The following USP34 variants were observed in gnomAD, a reference collection of about 807,000 sequenced individuals.
The protein encoded by USP34 is ubiquitin specific peptidase 34, also known as ubiquitin carboxyl-terminal hydrolase 34.
USP34 carries 70 observed loss-of-function variants against 460.3 expected under a neutral mutation model. The ratio of observed to expected loss-of-function variants is 0.15; its 90% CI spans 0.13 to 0.19. The LOEUF is 0.19. USP34 is among the 10% of genes least tolerant of loss of function. USP34 has a pLI of 1.00. For missense variants in USP34, 3,985 were observed against 4,236.2 expected (o/e 0.94, Z 1.65); for synonymous variants, 1,647 against 1,405.3 (o/e 1.17, Z -3.85).
chr2:61,421,505 C>T (rs1185598953), intron 1 of USP34, among the ~76,000 whole-genome samples: 2 of 152,138 alleles, frequency 1.3e-5, no homozygotes, highest in Admixed American at 1.3e-4. Flanking sequence ...GGCTGGTCCA[C>T]ACAGCTTTAC....
intron 72 of USP34, among the ~76,000 whole-genome samples, chr2:61,205,679 C>T (rs1558465379): frequency 6.6e-6 from 1 of 152,174 alleles, no homozygotes. Flanking sequence ...GAAATAAGTA[C>T]TCTTATCCTT....
At chr2:61,202,926 G>C (rs569075173) in intron 75 of USP34, among the ~76,000 whole-genome samples, 2 of 151,966 alleles carry the variant, frequency 1.3e-5, no homozygotes, top group Admixed American at 6.6e-5. Context: ...CTCCTTTATA[G>C]GCCAGCTGAA....
At chr2:61,321,034 G>C (rs888455808) in intron 21 of USP34, among the ~76,000 whole-genome samples, 6 of 151,694 alleles carry the variant, frequency 4.0e-5, no homozygotes, top group Admixed American at 6.6e-5. Flanking sequence ...AAAGTAGCTG[G>C]GCAGGGTGGC....
At chr2:61,206,918 A>G (rs763469425) in intron 70 of USP34, 32 bp from the exon 71 acceptor site, 8 of 1,604,614 alleles carry the variant, frequency 5.0e-6, no homozygotes, top group African/African-American at 1.3e-5. Flanking sequence ...TGAAAACTTA[A>G]TTTCATTTTT....
At chr2:61,216,816 G>A (rs1256521059) in intron 67 of USP34, among the ~76,000 whole-genome samples, 3 of 151,640 alleles carry the variant, frequency 2.0e-5, no homozygotes, top group Non-Finnish European at 4.4e-5. Context: ...TACTCAGGAG[G>A]CTGAGGCACA....
At chr2:61,402,937 A>AC (rs752829804) in intron 3 of USP34, among the ~76,000 whole-genome samples, 11 of 152,180 alleles carry the variant, frequency 7.2e-5, no homozygotes, top group Non-Finnish European at 1.3e-4. Flanking sequence ...GTTGACCCTT[A>AC]CCGCATTTAA....
At chr2:61,316,651 A>C (rs1264951470) in intron 23 of USP34, among the ~76,000 whole-genome samples, 1 of 151,872 alleles carries the variant, frequency 6.6e-6, no homozygotes, top group Non-Finnish European at 1.5e-5. Flanking sequence ...TCGGGAGGCC[A>C]AGGCGGGTGG....
At chr2:61,441,802 C>CAAAA (rs70963429) in intron 1 of USP34, among the ~76,000 whole-genome samples, 21 of 97,312 alleles carry the variant, frequency 2.2e-4, no homozygotes, top group Admixed American at 4.5e-4. Context: ...GACTGCATTA[C>CAAAA]AAAAAAAAAA....
At chr2:61,355,138 T>C (rs548977231) in intron 10 of USP34, among the ~76,000 whole-genome samples, 65 of 152,322 alleles carry the variant, frequency 4.3e-4, no homozygotes, top group African/African-American at 1.5e-3. Context: ...TGAACCCTTT[T>C]CATGTCTTCA....
At chr2:61,463,691 AG>A (rs1695675417) in intron 1 of USP34, among the ~76,000 whole-genome samples, 1 of 151,994 alleles carries the variant, frequency 6.6e-6, no homozygotes, top group Non-Finnish European at 1.5e-5. Context: ...AAAATTAGCC[AG>A]GCATGGTGGT....
chr2:61,319,135 A>T, intron 22 of USP34, 38 bp downstream of exon 22: 1 of 1,519,728 alleles, frequency 6.6e-7, no homozygotes, highest in Non-Finnish European at 8.8e-7. Flanking sequence ...AAAAGGGAAC[A>T]TGGAAAAATA....
chr2:61,257,391 A>T (rs766409642), intron 44 of USP34, 41 bp from the exon 45 acceptor site: 2 of 1,515,642 alleles, frequency 1.3e-6, no homozygotes, highest in Non-Finnish European at 1.8e-6. Context: ...TCAGATAAAA[A>T]TAAGAAAATT....
intron 27 of USP34, among the ~76,000 whole-genome samples, chr2:61,305,180 C>T (rs185007162): frequency 5.3e-5 from 8 of 152,122 alleles, no homozygotes; most frequent in Non-Finnish European, 1.0e-4. Context: ...AACAATTAGC[C>T]AGGCGTGGTG....
intron 1 of USP34, among the ~76,000 whole-genome samples, chr2:61,442,651 T>G (rs546330313): frequency 6.6e-6 from 1 of 152,238 alleles, no homozygotes; most frequent in South Asian, 2.1e-4. Flanking sequence ...TCTTATACAG[T>G]GTTAGTGGGA....
chr2:61,431,998 T>A (rs1386158015), intron 1 of USP34, among the ~76,000 whole-genome samples: 1 of 152,090 alleles, frequency 6.6e-6, no homozygotes, highest in East Asian at 1.9e-4. Flanking sequence ...AATAGCATGC[T>A]GTACCCTATA....
chr2:61,295,578 A>G (rs1689999704), intron 30 of USP34, among the ~76,000 whole-genome samples: 1 of 152,234 alleles, frequency 6.6e-6, no homozygotes, highest in African/African-American at 2.4e-5. Context: ...CAACATTGTG[A>G]TCTAGTTGAG....
chr2:61,204,762 G>C (rs1245790833), intron 72 of USP34, among the ~76,000 whole-genome samples, 161 bp from the exon 73 acceptor site: 1 of 152,132 alleles, frequency 6.6e-6, no homozygotes, highest in African/African-American at 2.4e-5. Flanking sequence ...GCTCAATCAA[G>C]TTTAGATCAA....
chr2:61,440,351 G>C (rs1694929002), intron 1 of USP34, among the ~76,000 whole-genome samples: 1 of 152,124 alleles, frequency 6.6e-6, no homozygotes, highest in South Asian at 2.1e-4. Context: ...ACATCAGGAG[G>C]AAGCAGGTCA....
chr2:61,447,254 C>CAA lies in USP34; in HGVS notation c.43+23394_43+23395dup, dbSNP rs763711140. 9.4e-3 allele frequency among the ~76,000 whole-genome samples: 563 copies of CAA among 59,684 alleles called. 38 individuals are homozygous for CAA. Among genetic ancestry groups the CAA allele is most frequent in the East Asian group, 0.024 (31 of 1,300 alleles). The allele number at this position is 59,684 out of a possible 152,430, so 39.2% of individuals were successfully genotyped here. A position where few individuals can be genotyped will look rare whatever the true frequency, so the allele number is the denominator to read the frequency against. On this transcript the variant is annotated intron_variant, in intron 1 of 79. Coordinates refer to ENST00000398571, the MANE Select transcript of USP34 (RefSeq NM_014709.4). ...TGGGCAACAGAGTGAAACTGTCTTC[C>CAA]AAAAAAAAAAAAAAAAAAAAAAAAA...
Sources: allele counts gnomAD v4.1 joint callset (sites outside exome capture counted in the v4.1 genomes callset), GRCh38; gene constraint gnomAD v4.1.1; transcripts MANE v1.5; gene names NCBI Gene and HGNC (gene_info 2026-07-23, HGNC 2026-07-21).